Variants in RNF13 observed in about 807,000 individuals in gnomAD.
The protein encoded by RNF13 is E3 ubiquitin-protein ligase RNF13.
A neutral mutation model predicts 37.7 loss-of-function variants in RNF13; 19 were observed. The ratio of observed to expected loss-of-function variants is 0.50; its 90% CI spans 0.35 to 0.74. The LOEUF (loss-of-function observed/expected upper bound fraction) is 0.74. Ranked by LOEUF, RNF13 falls within the 30% of genes least tolerant of loss-of-function variation. RNF13 has a pLI of 0.01. For missense variants in RNF13, 375 were observed against 453.0 expected (o/e 0.83, Z 1.56); for synonymous variants, 144 against 157.8 (o/e 0.91, Z 0.65).
At chr3:149,927,749 A>C (rs760070419) in intron 8 of RNF13, among the ~76,000 whole-genome samples, 6 of 152,122 alleles carry the variant, frequency 3.9e-5, no homozygotes, top group Non-Finnish European at 7.4e-5. Flanking sequence ...CTTATTGTCC[A>C]CTTGGATATT....
At chr3:149,838,685 C>T (rs970529158) in intron 1 of RNF13, among the ~76,000 whole-genome samples, 4 of 152,234 alleles carry the variant, frequency 2.6e-5, no homozygotes, top group Non-Finnish European at 5.9e-5. Context: ...ATTTTTTCCT[C>T]CTAGGCCTCT....
intron 8 of RNF13, among the ~76,000 whole-genome samples, chr3:149,921,701 T>C (rs143410208): frequency 0.017 from 2,605 of 152,306 alleles, 81 homozygotes; most frequent in African/African-American, 0.059. Context: ...CAGTCTATTA[T>C]TGATGGACAT....
chr3:149,907,245 C>T (rs574527153), intron 6 of RNF13, among the ~76,000 whole-genome samples: 5 of 152,068 alleles, frequency 3.3e-5, no homozygotes, highest in Non-Finnish European at 2.9e-5. Context: ...TAATTGCTTT[C>T]CCTTATCTAA....
chr3:149,823,716 A>T (rs1157017644), intron 1 of RNF13, among the ~76,000 whole-genome samples: 1 of 152,196 alleles, frequency 6.6e-6, no homozygotes, highest in East Asian at 1.9e-4. Context: ...AACAAGGGAA[A>T]ATCTTTGTTA....
intron 1 of RNF13, among the ~76,000 whole-genome samples, chr3:149,835,295 TA>T (rs761498300): frequency 6.6e-6 from 1 of 152,208 alleles, no homozygotes; most frequent in Non-Finnish European, 1.5e-5. Context: ...ATAGAGAATT[TA>T]AAAAATTTTT....
At chr3:149,893,399 T>G (rs1320115489) in intron 4 of RNF13, among the ~76,000 whole-genome samples, 1 of 152,248 alleles carries the variant, frequency 6.6e-6, no homozygotes, top group Non-Finnish European at 1.5e-5. Context: ...GGTCTAATTT[T>G]ATATTTCTTA....
chr3:149,897,587 G>C (rs906417874), intron 5 of RNF13, among the ~76,000 whole-genome samples: 1 of 152,160 alleles, frequency 6.6e-6, no homozygotes, highest in African/African-American at 2.4e-5. Flanking sequence ...CAGAATTTTG[G>C]TTCTTGACTT....
chr3:149,845,089 C>T (rs1042829847), intron 1 of RNF13, among the ~76,000 whole-genome samples: 1 of 152,082 alleles, frequency 6.6e-6, no homozygotes, highest in Non-Finnish European at 1.5e-5. Flanking sequence ...TAAATGGTAC[C>T]TTAAAAATTA....
intron 4 of RNF13, among the ~76,000 whole-genome samples, chr3:149,877,955 T>C (rs1185504561): frequency 1.3e-5 from 2 of 152,174 alleles, no homozygotes; most frequent in African/African-American, 4.8e-5. Flanking sequence ...TAGGTTTCTT[T>C]ATACACAAAT....
rs532554223 is a variant in RNF13 at position 149,874,833 on chromosome 3, G to A, written c.321+2679G>A. 1.1e-4 allele frequency among the ~76,000 whole-genome samples: 16 copies of A among 152,196 alleles called. No homozygotes were observed. In the East Asian group the frequency reaches 2.3e-3, roughly 22 times the overall value. ...GGGTACTGGGAAAACAACTGGAATC[G>A]CACCCTAAAGAAGATTTCCTTTCTA... is the stretch of plus-strand genomic sequence containing the variant. On this transcript the variant is annotated intron_variant, in intron 4 of 9. Transcript: ENST00000392894.
At chr3:149,952,198 A>G (rs1279421856) in intron 8 of RNF13, among the ~76,000 whole-genome samples, 1 of 152,168 alleles carries the variant, frequency 6.6e-6, no homozygotes, top group Non-Finnish European at 1.5e-5. Flanking sequence ...AAAACCTGGC[A>G]TGCCCTTTGT....
intron 3 of RNF13, among the ~76,000 whole-genome samples, chr3:149,865,162 G>C (rs549596262): frequency 6.6e-6 from 1 of 151,492 alleles, no homozygotes; most frequent in Non-Finnish European, 1.5e-5. Context: ...TCCTTAACCA[G>C]TGTGATCTAA....
intron 7 of RNF13, among the ~76,000 whole-genome samples, chr3:149,917,925 T>A (rs1018231450): frequency 5.9e-5 from 9 of 152,222 alleles, no homozygotes; most frequent in African/African-American, 2.2e-4. Context: ...TTCAATAATT[T>A]TAAGTATCTT....
rs1282869315 is a variant in RNF13, at chr3:149,857,453, T to A, written c.195+4857T>A. ...TTTATTTTTGTATCTAGGTAAGTCC[T>A]GTGTTTGTAGTTTTATATTTTAATT... On this transcript the variant is annotated intron_variant, in intron 3 of 9. Coordinates refer to ENST00000392894, the MANE Select transcript of RNF13 (RefSeq NM_183381.3). Among the ~76,000 whole-genome samples the A allele has an allele frequency of 2.6e-5, 4 of 152,324 alleles. No homozygotes were observed. The East Asian group carries it at 5.8e-4, about 22-fold the overall frequency.
rs571910788 is a variant in RNF13, at chr3:149,919,168, TAATA to T, written c.607-1962_607-1959del. ...AAATTTATGGAGGTATGATTTGATA[TAATA>T]AATTACACATATTTAAATTGTACAC... is the stretch of plus-strand genomic sequence containing the variant. On this transcript the variant is annotated intron_variant, in intron 7 of 9. Transcript: ENST00000392894. Among the ~76,000 whole-genome samples, 63 of 152,342 alleles carry T rather than the reference TAATA, an allele frequency of 4.1e-4. No individual in the cohort carries two copies. In the East Asian group the frequency reaches 0.011, roughly 26 times the overall value.
chr3:149,869,176 A>G (rs1306917816), intron 3 of RNF13, among the ~76,000 whole-genome samples: 2 of 151,698 alleles, frequency 1.3e-5, no homozygotes, highest in African/African-American at 4.8e-5. Context: ...TCAGTTCCAA[A>G]ATTTGTTTGA....
intron 4 of RNF13, among the ~76,000 whole-genome samples, chr3:149,892,964 C>A (rs1235502339): frequency 1.3e-5 from 2 of 152,128 alleles, no homozygotes; most frequent in African/African-American, 4.8e-5. Flanking sequence ...CAGGACAGGG[C>A]AAGCTTCATG....
At chr3:149,872,347 C>T (rs1281922157) in intron 4 of RNF13, among the ~76,000 whole-genome samples, 193 bp downstream of exon 4, 2 of 152,136 alleles carry the variant, frequency 1.3e-5, no homozygotes, top group East Asian at 1.9e-4. Context: ...ACATCTTGAA[C>T]TGTGGTTTAA....
At chr3:149,904,904 T>C (rs189527489) in intron 6 of RNF13, among the ~76,000 whole-genome samples, 73 of 152,306 alleles carry the variant, frequency 4.8e-4, no homozygotes, top group African/African-American at 1.8e-3. Flanking sequence ...TTGACTTGAT[T>C]GTTTATCCTT....
Sources: gnomAD v4.1 joint callset for allele counts (sites outside exome capture counted in the v4.1 genomes callset) on GRCh38, gnomAD v4.1.1 for gene constraint, MANE v1.5 for transcripts, NCBI Gene and HGNC (gene_info 2026-07-23, HGNC 2026-07-21) for gene names.